The following ESR1 variants were observed in gnomAD, a reference collection of about 807,000 sequenced individuals.
ESR1 encodes the protein estrogen receptor.
In ESR1, 12 loss-of-function variants were observed where a neutral mutation model predicts 52.7. The ratio of observed to expected loss-of-function variants is 0.23; its 90% CI spans 0.15 to 0.37. The LOEUF (loss-of-function observed/expected upper bound fraction) is 0.37, where lower values mean the gene tolerates loss of function less well. Ranked by LOEUF, ESR1 falls within the 10% of genes least tolerant of loss-of-function variation. The pLI is 1.00. For synonymous variants in ESR1, 305 were observed against 316.8 expected (o/e 0.96, Z 0.39); for missense variants, 584 against 779.7 (o/e 0.75, Z 2.99).
At chr6:151,684,315 T>G (rs189687383) in intron 1 of ESR1, among the ~76,000 whole-genome samples, 1 of 151,786 alleles carries the variant, frequency 6.6e-6, no homozygotes, top group African/African-American at 2.4e-5. Flanking sequence ...GAAAGAGAGG[T>G]TGACTGAAGT....
chr6:152,127,040 TTTCCTGGATATATGG>T (rs776260935), exon 7 of ESR1: 10 of 152,184 alleles, frequency 6.6e-5, no homozygotes, highest in Non-Finnish European at 1.5e-4. Flanking sequence ...AAACCCAGTG[TTTCCTGGATATATGG>T]TTCAGGAGAC....
chr6:151,981,756 A>T (rs963446241), intron 4 of ESR1, among the ~76,000 whole-genome samples: 1 of 152,230 alleles, frequency 6.6e-6, no homozygotes, highest in African/African-American at 2.4e-5. Context: ...TAGAAATTCA[A>T]ATGTATGCAA....
chr6:152,008,186 A>G (rs2042483609), intron 4 of ESR1, among the ~76,000 whole-genome samples: 2 of 152,120 alleles, frequency 1.3e-5, no homozygotes, highest in South Asian at 4.1e-4. Flanking sequence ...ATAATCTTTC[A>G]TAGTCTTCAC....
At chr6:151,841,781 T>C (rs1197612187) in intron 1 of ESR1, among the ~76,000 whole-genome samples, 1 of 152,100 alleles carries the variant, frequency 6.6e-6, no homozygotes, top group Non-Finnish European at 1.5e-5. Context: ...TGATCAATCA[T>C]AGCCTACTGC....
chr6:152,085,309 T>TA (rs1053628703), intron 6 of ESR1, among the ~76,000 whole-genome samples: 6 of 149,312 alleles, frequency 4.0e-5, no homozygotes, highest in Non-Finnish European at 7.4e-5. Flanking sequence ...TCTCTCTTTC[T>TA]AAAAAAACAA....
chr6:152,129,084 T>A (rs2054540344), exon 7 of ESR1: 1 of 152,244 alleles, frequency 6.6e-6, no homozygotes, highest in Admixed American at 6.5e-5. Flanking sequence ...GCGAGTGTCG[T>A]AGTGAGAATG....
chr6:151,951,630 G>A (rs1416934749), intron 4 of ESR1, among the ~76,000 whole-genome samples: 1 of 152,100 alleles, frequency 6.6e-6, no homozygotes, highest in Non-Finnish European at 1.5e-5. Context: ...GTGCCATTTG[G>A]TTGTAATAGG....
intron 3 of ESR1, among the ~76,000 whole-genome samples, chr6:151,915,160 A>C (rs1417063408): frequency 1.3e-5 from 2 of 151,216 alleles, no homozygotes; most frequent in African/African-American, 2.4e-5. Flanking sequence ...ATGCCATTGC[A>C]CTCCAGCCTG....
chr6:151,823,028 T>TGCCC (rs1210320746), intron 1 of ESR1, among the ~76,000 whole-genome samples: 2 of 152,356 alleles, frequency 1.3e-5, no homozygotes, highest in East Asian at 3.9e-4. Context: ...GCTTGTCAGA[T>TGCCC]AAAACAGGAT....
intron 4 of ESR1, among the ~76,000 whole-genome samples, chr6:151,973,586 T>C (rs542253616): frequency 6.6e-6 from 1 of 152,294 alleles, no homozygotes; most frequent in African/African-American, 2.4e-5. Context: ...ATGCTCCCAG[T>C]ACCAGCCTCC....
chr6:152,107,406 T>C (rs1357664283), downstream of ESR1, among the ~76,000 whole-genome samples: 2 of 152,246 alleles, frequency 1.3e-5, no homozygotes, highest in Non-Finnish European at 2.9e-5. Context: ...CTAGTGAATT[T>C]TTATTTCCAT....
At chr6:151,710,129 C>T (rs1780485420) in intron 2 of ESR1, among the ~76,000 whole-genome samples, 1 of 151,782 alleles carries the variant, frequency 6.6e-6, no homozygotes, top group Non-Finnish European at 1.5e-5. Context: ...TTTTTTTTCT[C>T]TAAACCACTA....
intron 5 of ESR1, among the ~76,000 whole-genome samples, chr6:152,013,848 A>C (rs1376303361): frequency 1.3e-5 from 2 of 152,016 alleles, no homozygotes; most frequent in Non-Finnish European, 2.9e-5. Context: ...CAGTCTCTTT[A>C]CTATTGACAT....
chr6:152,045,866 G>A (rs750146733), intron 5 of ESR1, among the ~76,000 whole-genome samples: 124 of 152,302 alleles, frequency 8.1e-4, no homozygotes, highest in Non-Finnish European at 1.4e-3. Context: ...ACCTTCTTGT[G>A]GAAGTTAGTA....
intron 3 of ESR1, among the ~76,000 whole-genome samples, chr6:151,888,317 T>G (rs1159676231): frequency 6.6e-6 from 1 of 152,250 alleles, no homozygotes; most frequent in Non-Finnish European, 1.5e-5. Flanking sequence ...TCTTTCCATT[T>G]ATTTGTGTCT....
At chr6:152,087,528 T>C (rs965014836) in intron 6 of ESR1, among the ~76,000 whole-genome samples, 14 of 152,198 alleles carry the variant, frequency 9.2e-5, no homozygotes, top group African/African-American at 3.4e-4. Context: ...CATGTTGATA[T>C]CATAACCCTC....
intron 1 of ESR1, among the ~76,000 whole-genome samples, chr6:151,809,493 A>G (rs576547507): frequency 1.3e-5 from 2 of 152,300 alleles, no homozygotes; most frequent in South Asian, 4.1e-4. Flanking sequence ...AGGGCGCCAC[A>G]TGGCTGGGTC....
upstream of ESR1, among the ~76,000 whole-genome samples, chr6:151,686,322 G>A (rs2115321062): frequency 6.6e-6 from 1 of 152,128 alleles, no homozygotes; most frequent in Admixed American, 6.5e-5. Flanking sequence ...TTATGGCTCC[G>A]TTGTCGAACA....
chr6:151,775,595 A>C (rs2128113620), intron 2 of ESR1, among the ~76,000 whole-genome samples: 1 of 152,152 alleles, frequency 6.6e-6, no homozygotes. Flanking sequence ...AAAATACAAA[A>C]AAATTAGCTG....
Sources: allele counts gnomAD v4.1 joint callset (sites outside exome capture counted in the v4.1 genomes callset), GRCh38; gene constraint gnomAD v4.1.1; transcripts MANE v1.5; gene names NCBI Gene and HGNC (gene_info 2026-07-23, HGNC 2026-07-21).